The following MOB3B variants were observed in gnomAD, a reference collection of about 807,000 sequenced individuals.
MOB3B encodes the protein MOB kinase activator-like 2B.
A neutral mutation model predicts 18.7 loss-of-function variants in MOB3B; 7 were observed. The ratio of observed to expected loss-of-function variants is 0.37; its 90% CI spans 0.21 to 0.70. The LOEUF (loss-of-function observed/expected upper bound fraction) is 0.70, where lower values mean the gene tolerates loss of function less well. Ranked by LOEUF, MOB3B falls within the 30% of genes least tolerant of loss-of-function variation. The pLI, the probability that MOB3B is intolerant of heterozygous loss-of-function variation, is 0.52. For synonymous variants in MOB3B, 111 were observed against 99.9 expected (o/e 1.11, Z -0.66); for missense variants, 253 against 281.3 (o/e 0.90, Z 0.72).
At chr9:27,524,804 G>A (rs377597920) in intron 1 of MOB3B, 17 of 1,613,984 alleles carry the variant, frequency 1.1e-5, no homozygotes, top group Non-Finnish European at 1.4e-5. Context: ...GGGTCCCCCA[G>A]CTGAGCAGCC....
At chr9:27,477,782 C>T (rs991561017) in intron 1 of MOB3B, among the ~76,000 whole-genome samples, 10 of 152,150 alleles carry the variant, frequency 6.6e-5, no homozygotes, top group Non-Finnish European at 1.2e-4. Flanking sequence ...AGAATGAGAG[C>T]AAATACTGCT....
chr9:27,446,715 A>C (rs563123768), intron 2 of MOB3B, among the ~76,000 whole-genome samples: 3 of 152,302 alleles, frequency 2.0e-5, no homozygotes, highest in East Asian at 3.9e-4. Flanking sequence ...CAGGGGCTTC[A>C]CACGTAGCAT....
intron 1 of MOB3B, among the ~76,000 whole-genome samples, chr9:27,483,159 G>GTT: frequency 8.4e-6 from 1 of 118,636 alleles, no homozygotes; most frequent in South Asian, 2.8e-4. Flanking sequence ...TTGAGACGGA[G>GTT]TCTTGCTCTG....
intron 2 of MOB3B, among the ~76,000 whole-genome samples, chr9:27,454,023 G>C (rs949480338): frequency 1.2e-4 from 19 of 152,264 alleles, no homozygotes; most frequent in Non-Finnish European, 2.2e-4. Context: ...AGAAGTATGA[G>C]GGAACTGGAC....
chr9:27,334,784 G>A (rs1413096105), intron 3 of MOB3B, among the ~76,000 whole-genome samples: 1 of 152,152 alleles, frequency 6.6e-6, no homozygotes, highest in Non-Finnish European at 1.5e-5. Flanking sequence ...TCAGTTTACT[G>A]CACTACATCA....
chr9:27,442,074 G>A (rs1299613339), intron 2 of MOB3B, among the ~76,000 whole-genome samples: 1 of 152,108 alleles, frequency 6.6e-6, no homozygotes, highest in African/African-American at 2.4e-5. Flanking sequence ...TTTGTTTTGG[G>A]AAATGTAGTT....
chr9:27,423,398 C>T (rs1036173156), intron 2 of MOB3B, among the ~76,000 whole-genome samples: 23 of 141,992 alleles, frequency 1.6e-4, no homozygotes, highest in African/African-American at 5.5e-4. Context: ...TGGCAATACT[C>T]TTTTTTTTTT....
At position 27,464,696 on chromosome 9, in the gene MOB3B, A is replaced by T. The variant is rs1819349197; in HGVS notation, c.-198-8948T>A. Among the ~76,000 whole-genome samples the T allele has an allele frequency of 1.3e-5, 2 of 152,174 alleles. 1 individual carries two copies. Among genetic ancestry groups the T allele is most frequent in the South Asian group, 4.1e-4 (2 of 4,830 alleles). On this transcript the variant is annotated intron_variant, in intron 1 of 3. Coordinates refer to ENST00000262244, the MANE Select transcript of MOB3B (RefSeq NM_024761.5). Reference sequence around the variant, plus strand: ...CATACCTGAAAATGGGAACAAAAAGAGGTTTAATTGGACTTACAGTTCCAC... The same window carrying T: ...CATACCTGAAAATGGGAACAAAAAGTGGTTTAATTGGACTTACAGTTCCAC...
chr9:27,370,042 C>T (rs1033086454), intron 2 of MOB3B, among the ~76,000 whole-genome samples: 12 of 150,624 alleles, frequency 8.0e-5, no homozygotes, highest in African/African-American at 1.5e-4. Context: ...TAGCAGAACA[C>T]GGTGGTTCTC....
intron 1 of MOB3B, among the ~76,000 whole-genome samples, chr9:27,528,530 G>A (rs1243665747): frequency 6.6e-6 from 1 of 152,252 alleles, no homozygotes; most frequent in Non-Finnish European, 1.5e-5. Context: ...CCACAAGGGC[G>A]GGGTGGGGCG....
chr9:27,381,728 C>A (rs1821580166), intron 2 of MOB3B, among the ~76,000 whole-genome samples: 1 of 152,102 alleles, frequency 6.6e-6, no homozygotes, highest in African/African-American at 2.4e-5. Context: ...CTCATTGTAT[C>A]CTCAACCTCC....
At chr9:27,493,226 G>A (rs756638283) in intron 1 of MOB3B, among the ~76,000 whole-genome samples, 3 of 152,146 alleles carry the variant, frequency 2.0e-5, no homozygotes, top group Non-Finnish European at 2.9e-5. Flanking sequence ...CGGAGGGACC[G>A]GCTGAAGCCA....
At chr9:27,410,054 A>G (rs878979219) in intron 2 of MOB3B, among the ~76,000 whole-genome samples, 1 of 152,226 alleles carries the variant, frequency 6.6e-6, no homozygotes, top group Admixed American at 6.5e-5. Context: ...ACTGAATTGT[A>G]CACTTAAAAA....
intron 2 of MOB3B, among the ~76,000 whole-genome samples, chr9:27,420,488 A>ATATATATTCCATC (rs1404569445): frequency 6.9e-6 from 1 of 144,270 alleles, no homozygotes; most frequent in Non-Finnish European, 1.5e-5. Flanking sequence ...TATATATTTC[A>ATATATATTCCATC]TATATATTCC....
rs35792761 is a variant in MOB3B, at chr9:27,459,876, CAAAAAAAAA to C, written c.-198-4137_-198-4129del. Among the ~76,000 whole-genome samples the C allele has an allele frequency of 5.6e-4, 49 of 86,732 alleles. 1 individual carries two copies. The East Asian group carries it at 0.016, about 28-fold the overall frequency. The allele number at this position is 86,732 out of a possible 152,430, so 56.9% of individuals were successfully genotyped here. On this transcript the variant is annotated intron_variant, in intron 1 of 3. Coordinates refer to ENST00000262244, the MANE Select transcript of MOB3B (RefSeq NM_024761.5). The stretch of plus-strand genomic sequence containing the variant: ...TTATTTTCTGTCCTGTTTCAGTCTC[CAAAAAAAAA>C]AAAAAAAAAAAAAGTCATAAAGTTT...
At chr9:27,346,753 G>C (rs557505052) in intron 3 of MOB3B, among the ~76,000 whole-genome samples, 2 of 152,306 alleles carry the variant, frequency 1.3e-5, no homozygotes, top group South Asian at 4.1e-4. Flanking sequence ...CCAGCACTTT[G>C]GGAGGTCGAG....
chr9:27,330,043 T>C lies in MOB3B; in HGVS notation c.*544A>G. 6.6e-6 allele frequency: 1 copy of C among 152,250 alleles called. No individual in the cohort carries two copies. Among genetic ancestry groups the C allele is most frequent in the Non-Finnish European group, 1.5e-5 (1 of 68,084 alleles). The allele number at this position is 152,250 out of a possible 1,614,324, so 9.4% of individuals were successfully genotyped here. ...GGTAGGGGTTCAGGTGTCTCAGAGC[T>C]CCACAGCCCTGCACAGTGTTAAACC... On this transcript the variant is annotated 3_prime_UTR_variant, in exon 4 of 4. Transcript: ENST00000262244.
chr9:27,506,975 C>T (rs1338648846), intron 1 of MOB3B, among the ~76,000 whole-genome samples: 2 of 152,030 alleles, frequency 1.3e-5, no homozygotes, highest in East Asian at 3.9e-4. Context: ...CCACTGCGCC[C>T]AGCCCAACTT....
intron 2 of MOB3B, among the ~76,000 whole-genome samples, chr9:27,430,841 A>G (rs1822407141): frequency 6.6e-6 from 1 of 151,708 alleles, no homozygotes; most frequent in Non-Finnish European, 1.5e-5. Flanking sequence ...CCACCGTGAC[A>G]TTAACCTTCT....
Sources: gnomAD v4.1 joint callset for allele counts (sites outside exome capture counted in the v4.1 genomes callset) on GRCh38, gnomAD v4.1.1 for gene constraint, MANE v1.5 for transcripts, NCBI Gene and HGNC (gene_info 2026-07-23, HGNC 2026-07-21) for gene names.